The following PDXDC1 variants were observed in gnomAD, a reference collection of about 807,000 sequenced individuals.
PDXDC1 encodes the protein pyridoxal dependent decarboxylase domain containing 1.
In PDXDC1, 42 loss-of-function variants were observed where a neutral mutation model predicts 100.1. That is an observed-to-expected ratio of 0.42 (90% CI 0.33 to 0.54). The LOEUF (loss-of-function observed/expected upper bound fraction) is 0.54, where lower values mean the gene tolerates loss of function less well. Among genes scored for constraint, PDXDC1 ranks in the 20% least tolerant of loss-of-function variants. The pLI, the probability that PDXDC1 is intolerant of heterozygous loss-of-function variation, is 0.10. For synonymous variants in PDXDC1, 260 were observed against 371.7 expected, an observed-to-expected ratio of 0.70 and a Z score of 3.46; for missense variants, 636 against 979.2, an observed-to-expected ratio of 0.65 and a Z score of 4.68.
chr16:15,135,948 GGGC>G lies in PDXDC1; in HGVS notation c.1400-2930_1400-2928del. On this transcript the variant is annotated intron_variant, in intron 16 of 16. Transcript: ENST00000535621. Reference sequence around the variant, plus strand: ...GGCCGGCTCACGTCCACGCCGGGCAGGGCCACACGCGCCGGGCACCCCGGCTGG... The same window carrying G: ...GGCCGGCTCACGTCCACGCCGGGCAGCACACGCGCCGGGCACCCCGGCTGG... 6 of 1,578,086 alleles carry G rather than the reference GGGC, an allele frequency of 3.8e-6. No individual in the cohort carries two copies. The South Asian group carries it at 6.7e-5, about 18-fold the overall frequency.
intron 16 of PDXDC1, among the ~76,000 whole-genome samples, chr16:15,111,200 T>G (rs551313775): frequency 6.7e-6 from 1 of 149,034 alleles, no homozygotes; most frequent in African/African-American, 2.4e-5. Context: ...CTCACTCCCG[T>G]AATCCCAGCA....
chr16:15,065,116 A>T (rs1289845755), intron 16 of PDXDC1: 3 of 1,206,080 alleles, frequency 2.5e-6, no homozygotes, highest in Non-Finnish European at 3.5e-6. Flanking sequence ...CGGTAAGCCG[A>T]GATCACACCA....
At chr16:15,060,149 A>G (rs940817681) in intron 16 of PDXDC1, 1 of 413,818 alleles carries the variant, frequency 2.4e-6, no homozygotes, top group Admixed American at 2.8e-5. Flanking sequence ...ACAGACTTAT[A>G]TGTAAATGTC....
chr16:15,074,829 C>T, intron 16 of PDXDC1: 2 of 1,613,050 alleles, frequency 1.2e-6, no homozygotes, highest in Non-Finnish European at 1.7e-6. Context: ...CAGGACCAGC[C>T]TTTGTTTCAT....
intron 16 of PDXDC1, chr16:15,071,209 G>C: frequency 6.2e-7 from 1 of 1,610,858 alleles, no homozygotes; most frequent in South Asian, 1.1e-5. Context: ...CTTGGGTCCT[G>C]CAATTTTTTC....
rs148137004 is a variant in PDXDC1, at chr16:15,096,664, C to G, written c.1400-42215C>G. On this transcript the variant is annotated intron_variant, in intron 16 of 16. Transcript: ENST00000535621. ...ACAAAAAGCAACAATAGCAAAACAG[C>G]AATCTGACAATTATCTGTTTTGTTT... Among the ~76,000 whole-genome samples, 1,298 of 152,364 alleles carry G rather than the reference C, an allele frequency of 8.5e-3. 6 individuals carry two copies. The highest frequency in any genetic ancestry group is 0.037 in the Middle Eastern group (11 of 294).
In PDXDC1 at chr16:15,133,798, T is replaced by C. The variant is rs1289035641; in HGVS notation, c.1400-5081T>C. 5.7e-6 allele frequency: 9 copies of C among 1,586,236 alleles called. No individual in the cohort carries two copies. In the Admixed American group the frequency reaches 1.6e-4, roughly 29 times the overall value. ...CCCTAAGCAGGCCTGTACTCACCCG[T>C]GCATTCGAAGTGCACCTTGGTGGTG... On this transcript the variant is annotated intron_variant, in intron 16 of 16. Coordinates refer to the PDXDC1 transcript ENST00000535621.
intron 13 of PDXDC1, among the ~76,000 whole-genome samples, chr16:15,025,073 T>G (rs2151575647): frequency 1.3e-5 from 2 of 152,418 alleles, no homozygotes; most frequent in African/African-American, 2.4e-5. Flanking sequence ...CACCTTTTTT[T>G]GGGTGTGAGC....
chr16:15,111,466 A>AC (rs2047058577), intron 16 of PDXDC1, among the ~76,000 whole-genome samples: 1 of 146,810 alleles, frequency 6.8e-6, no homozygotes. Context: ...CAAAAAAAAA[A>AC]AAAAAAAAAT....
chr16:15,104,688 G>C (rs1292987962), intron 16 of PDXDC1: 1 of 1,597,602 alleles, frequency 6.3e-7, no homozygotes, highest in East Asian at 2.2e-5. Context: ...GTTTTTTAAA[G>C]TTTCAGCTGT....
At chr16:15,096,685 T>C (rs1369141682) in intron 16 of PDXDC1, among the ~76,000 whole-genome samples, 2 of 152,240 alleles carry the variant, frequency 1.3e-5, no homozygotes, top group Non-Finnish European at 2.9e-5. Flanking sequence ...TTATCTGTTT[T>C]GTTTTGTTTT....
At chr16:15,061,595 G>T in intron 16 of PDXDC1, 1 of 602,784 alleles carries the variant, frequency 1.7e-6, no homozygotes, top group South Asian at 2.9e-5. Context: ...TCAGATGCTT[G>T]ATTCAGTCGA....
At position 15,008,740 on chromosome 16, in the gene PDXDC1, A is replaced by G. The variant is rs749183176; in HGVS notation, c.580-39A>G. 1.0e-5 allele frequency: 16 copies of G among 1,597,904 alleles called. No individual in the cohort carries two copies. The South Asian group carries it at 1.6e-4, about 16-fold the overall frequency. On this transcript the variant is annotated intron_variant, in intron 6 of 22. Transcript: ENST00000396410. ...TTTCACAATCTGAAGTGAATGGTGCAGAGAGCTTTCTTGTCAAGTCATATG... is the reference window on the plus strand; with the variant it reads ...TTTCACAATCTGAAGTGAATGGTGCGGAGAGCTTTCTTGTCAAGTCATATG...
At chr16:15,148,085 C>T in the PDXDC1 span, among the ~76,000 whole-genome samples, 1 of 151,250 alleles carries the variant, frequency 6.6e-6, no homozygotes, top group African/African-American at 2.4e-5. Context: ...ACCTCATAGA[C>T]TCAGGGAATC....
At chr16:15,004,811 C>T (rs1334686824) in intron 5 of PDXDC1, among the ~76,000 whole-genome samples, 1 of 152,266 alleles carries the variant, frequency 6.6e-6, no homozygotes, top group African/African-American at 2.4e-5. Flanking sequence ...GGCACATCTT[C>T]CCATATACTT....
chr16:15,148,289 A>G, the PDXDC1 span, among the ~76,000 whole-genome samples: 2 of 148,372 alleles, frequency 1.3e-5, no homozygotes, highest in African/African-American at 5.0e-5. Context: ...TTCCCTCATG[A>G]CTAATGAGGC....
chr16:15,060,074 A>C (rs1014366915), intron 16 of PDXDC1: 8 of 298,980 alleles, frequency 2.7e-5, no homozygotes, highest in Non-Finnish European at 5.3e-5. Context: ...CGTAAGTTCC[A>C]GATTAACCAT....
chr16:15,046,223 C>A (rs2044054881), intron 16 of PDXDC1, among the ~76,000 whole-genome samples: 1 of 152,356 alleles, frequency 6.6e-6, no homozygotes, highest in South Asian at 2.1e-4. Flanking sequence ...TTAGAATCGA[C>A]CAGTATTGAC....
chr16:15,077,708 G>C (rs2045522186), intron 16 of PDXDC1, among the ~76,000 whole-genome samples: 1 of 152,206 alleles, frequency 6.6e-6, no homozygotes, highest in African/African-American at 2.4e-5. Context: ...GGGCATGGTG[G>C]CATGTGCCTG....
Sources: allele counts gnomAD v4.1 joint callset (sites outside exome capture counted in the v4.1 genomes callset), GRCh38; gene constraint gnomAD v4.1.1; transcripts MANE v1.5; gene names NCBI Gene and HGNC (gene_info 2026-07-23, HGNC 2026-07-21).